The following SYT1 variants were observed in gnomAD, a reference collection of about 807,000 sequenced individuals.
The protein encoded by SYT1 is synaptotagmin 1, also known as synaptotagmin-1.
In SYT1, 8 loss-of-function variants were observed where a neutral mutation model predicts 44.8. The observed-to-expected ratio is 0.18, with a 90% CI of 0.10 to 0.32. The LOEUF is 0.32. SYT1 is among the 10% of genes least tolerant of loss of function. The pLI is 1.00. For missense variants in SYT1, 286 were observed against 509.3 expected (o/e 0.56, Z 4.22); for synonymous variants, 154 against 188.8 (o/e 0.82, Z 1.51).
intron 9 of SYT1, among the ~76,000 whole-genome samples, chr12:79,438,407 A>G (rs1870214505): frequency 6.6e-6 from 1 of 152,214 alleles, no homozygotes; most frequent in Middle Eastern, 3.2e-3. Context: ...GGCTAGATCA[A>G]CGTGCTAGGT....
chr12:79,237,839 T>G (rs1876277765), intron 4 of SYT1, among the ~76,000 whole-genome samples: 1 of 152,200 alleles, frequency 6.6e-6, no homozygotes, highest in African/African-American at 2.4e-5. Context: ...TATACACTTA[T>G]GATCCCAATT....
chr12:79,152,178 G>A (rs1012912481), intron 3 of SYT1, among the ~76,000 whole-genome samples: 8 of 152,124 alleles, frequency 5.3e-5, no homozygotes, highest in Non-Finnish European at 1.0e-4. Context: ...GATGACCTGC[G>A]AGAAAAGAAT....
At chr12:79,269,297 C>G (rs1878293699) in intron 4 of SYT1, among the ~76,000 whole-genome samples, 1 of 151,926 alleles carries the variant, frequency 6.6e-6, no homozygotes, top group South Asian at 2.1e-4. Context: ...TATATCTTGC[C>G]CTTCTCTAAC....
intron 3 of SYT1, among the ~76,000 whole-genome samples, chr12:79,068,040 C>G (rs1254139342): frequency 1.3e-5 from 2 of 152,158 alleles, no homozygotes; most frequent in Non-Finnish European, 2.9e-5. Flanking sequence ...TTCCAGAGCT[C>G]CTACCATGCT....
chr12:78,924,163 G>A (rs1877167746), intron 1 of SYT1, among the ~76,000 whole-genome samples: 1 of 151,816 alleles, frequency 6.6e-6, no homozygotes, highest in African/African-American at 2.4e-5. Context: ...TGTGTCTTTT[G>A]CAATGCATCA....
At position 79,426,400 on chromosome 12, in the gene SYT1, G is replaced by GA. The variant is rs113053569; in HGVS notation, c.929-17663dup. Reference sequence around the variant, plus strand: ...TTCATACCACAGGCAATTATTCAAGGAAAAAAAAAACATATTTCACAGCCT... The same window carrying GA: ...TTCATACCACAGGCAATTATTCAAGGAAAAAAAAAAACATATTTCACAGCCT... On this transcript the variant is annotated intron_variant, in intron 9 of 10. Coordinates refer to ENST00000261205, the MANE Select transcript of SYT1 (RefSeq NM_005639.3). 5.7e-3 allele frequency among the ~76,000 whole-genome samples: 833 copies of GA among 147,286 alleles called. 6 individuals are homozygous for GA. Among genetic ancestry groups the GA allele is most frequent in the African/African-American group, 0.018 (738 of 40,268 alleles).
chr12:78,875,990 A>T (rs975469283), intron 1 of SYT1, among the ~76,000 whole-genome samples: 1 of 151,604 alleles, frequency 6.6e-6, no homozygotes, highest in Non-Finnish European at 1.5e-5. Context: ...CTCCAGTTTT[A>T]TTGTTCCTAT....
chr12:79,216,122 G>C (rs1343062146), intron 3 of SYT1, among the ~76,000 whole-genome samples: 1 of 151,442 alleles, frequency 6.6e-6, no homozygotes, highest in Non-Finnish European at 1.5e-5. Context: ...GTAGAGATGA[G>C]GTTTCTTCAT....
chr12:78,894,086 A>G (rs987931119), intron 1 of SYT1, among the ~76,000 whole-genome samples: 19 of 151,256 alleles, frequency 1.3e-4, no homozygotes, highest in African/African-American at 4.6e-4. Flanking sequence ...TTTTTCCAAA[A>G]AGATTCTGAT....
chr12:78,913,912 T>TG (rs1565714575), intron 1 of SYT1, among the ~76,000 whole-genome samples: 2 of 151,876 alleles, frequency 1.3e-5, no homozygotes, highest in African/African-American at 2.4e-5. Flanking sequence ...TTAAGTATCT[T>TG]GGGAAAAATG....
At chr12:79,254,865 C>A (rs1877429534) in intron 4 of SYT1, among the ~76,000 whole-genome samples, 1 of 152,162 alleles carries the variant, frequency 6.6e-6, no homozygotes, top group Admixed American at 6.5e-5. Context: ...GAAGATGTAA[C>A]TGAATTGCTG....
intron 1 of SYT1, among the ~76,000 whole-genome samples, chr12:78,929,009 C>T (rs573566203): frequency 2.6e-5 from 4 of 151,850 alleles, no homozygotes; most frequent in East Asian, 3.9e-4. Context: ...ACAGATGAAA[C>T]TTAAGATTGT....
chr12:79,340,387 T>A (rs11113803), intron 8 of SYT1, among the ~76,000 whole-genome samples: 12,198 of 152,188 alleles, frequency 0.08, 1,171 homozygotes, highest in African/African-American at 0.24. Context: ...GTCCTTCACA[T>A]CCCTTGTAAG....
chr12:79,035,716 G>A (rs1873085976), intron 2 of SYT1, among the ~76,000 whole-genome samples: 1 of 151,672 alleles, frequency 6.6e-6, no homozygotes, highest in African/African-American at 2.4e-5. Flanking sequence ...AATCATAAGA[G>A]ACATTCTGCT....
chr12:79,259,603 A>G (rs1464685965), intron 4 of SYT1, among the ~76,000 whole-genome samples: 2 of 152,120 alleles, frequency 1.3e-5, no homozygotes, highest in African/African-American at 2.4e-5. Context: ...GCATTGTGTC[A>G]TGCACCTGTG....
chr12:78,953,493 C>T (rs1361724453), intron 1 of SYT1, among the ~76,000 whole-genome samples: 4 of 152,008 alleles, frequency 2.6e-5, no homozygotes, highest in Non-Finnish European at 5.9e-5. Flanking sequence ...ACTGGATGAA[C>T]AGTATCATCA....
intron 10 of SYT1, 92 bp from the exon 11 acceptor site, chr12:79,448,826 T>A (rs1270876408): frequency 8.9e-7 from 1 of 1,121,764 alleles, no homozygotes; most frequent in Non-Finnish European, 1.3e-6. Flanking sequence ...TTGATTCTTC[T>A]ATTTCCAATT....
At chr12:79,163,457 T>C (rs1036420706) in intron 3 of SYT1, among the ~76,000 whole-genome samples, 2 of 152,130 alleles carry the variant, frequency 1.3e-5, no homozygotes, top group African/African-American at 4.8e-5. Flanking sequence ...AAGGGGTCAC[T>C]ATGTGCCAAG....
intron 5 of SYT1, among the ~76,000 whole-genome samples, chr12:79,289,896 T>TG (rs1428011559): frequency 6.6e-6 from 1 of 151,848 alleles, no homozygotes; most frequent in African/African-American, 2.4e-5. Flanking sequence ...AGTAGTTTTT[T>TG]TTTTTTTTTT....
Sources: gnomAD v4.1 joint callset for allele counts (sites outside exome capture counted in the v4.1 genomes callset) on GRCh38, gnomAD v4.1.1 for gene constraint, MANE v1.5 for transcripts, NCBI Gene and HGNC (gene_info 2026-07-23, HGNC 2026-07-21) for gene names.